Variants in TMEM47 observed in about 807,000 individuals in gnomAD.
TMEM47 encodes transmembrane protein 47, also known as brain cell membrane protein 1.
TMEM47 carries 3 observed loss-of-function variants against 12.4 expected under a neutral mutation model. The observed-to-expected ratio is 0.24, with a 90% confidence interval of 0.11 to 0.63. The LOEUF (loss-of-function observed/expected upper bound fraction) is 0.63, where lower values mean the gene tolerates loss of function less well. Among genes scored for constraint, TMEM47 ranks in the 20% least tolerant of loss-of-function variants. TMEM47 has a pLI of 0.86. For synonymous variants in TMEM47, 62 were observed against 63.3 expected (o/e 0.98, Z 0.10); for missense variants, 89 against 143.8 (o/e 0.62, Z 1.95).
At position 34,642,126 on chromosome X, in the gene TMEM47, G is replaced by A. The variant is rs757690603; in HGVS notation, c.227-2739C>T. Reference sequence around the variant, plus strand: ...CCCGCCTCGGCCTCCCAAAGTGCTGGGATTACAGGCGTGAGCCACTGCACC... The same window carrying A: ...CCCGCCTCGGCCTCCCAAAGTGCTGAGATTACAGGCGTGAGCCACTGCACC... On this transcript the variant is annotated intron_variant, in intron 1 of 2. Transcript: ENST00000275954. Among the ~76,000 whole-genome samples the A allele has an allele frequency of 5.3e-5, 6 of 112,541 alleles. No homozygotes were observed. The Admixed American group carries it at 5.6e-4, about 11-fold the overall frequency.
chrX:34,653,367 T>TAA (rs57746644), intron 1 of TMEM47, among the ~76,000 whole-genome samples: 1 of 110,264 alleles, frequency 9.1e-6, no homozygotes. Context: ...TATTTTGGGA[T>TAA]AAAAAAAGGA....
At position 34,627,137 on chromosome X, in the gene TMEM47, A is replaced by G. The variant is rs1007851499; in HGVS notation, c.*3176T>C. 9.8e-5 allele frequency: 11 copies of G among 111,921 alleles called. No homozygotes were observed. Among genetic ancestry groups the G allele is most frequent in the African/African-American group, 3.6e-4 (11 of 30,748 alleles). The allele number at this position is 111,921 out of a possible 1,213,427, so 9.2% of individuals were successfully genotyped here. On this transcript the variant is annotated 3_prime_UTR_variant, in exon 3 of 3. Coordinates refer to ENST00000275954, the MANE Select transcript of TMEM47 (RefSeq NM_031442.4). Reference sequence around the variant, plus strand: ...AGATGACTTCATGTCAACTACAAAAATCATGAAATGAAGAACTGATTGTGA... The same window carrying G: ...AGATGACTTCATGTCAACTACAAAAGTCATGAAATGAAGAACTGATTGTGA...
At chrX:34,637,605 A>T (rs978672233) in intron 2 of TMEM47, among the ~76,000 whole-genome samples, 1 of 111,024 alleles carries the variant, frequency 9.0e-6, no homozygotes, top group African/African-American at 3.3e-5. Context: ...GAAATTGCTT[A>T]AAAAAAACCC....
intron 1 of TMEM47, among the ~76,000 whole-genome samples, chrX:34,641,714 C>G (rs1459280839): frequency 8.9e-6 from 1 of 112,064 alleles, no homozygotes; most frequent in Non-Finnish European, 1.9e-5. Flanking sequence ...AAATGATAAG[C>G]AAACTTTCCA....
chrX:34,652,272 C>T (rs1466514207), intron 1 of TMEM47, among the ~76,000 whole-genome samples: 1 of 111,615 alleles, frequency 9.0e-6, no homozygotes, highest in Non-Finnish European at 1.9e-5. Flanking sequence ...CAGAGAGCTC[C>T]CTGCTGTGGT....
At chrX:34,636,719 A>ATGC (rs1921723303) in intron 2 of TMEM47, among the ~76,000 whole-genome samples, 1 of 112,071 alleles carries the variant, frequency 8.9e-6, no homozygotes, top group East Asian at 2.8e-4. Context: ...TGGTGCAGTC[A>ATGC]TGCTGCATCA....
chrX:34,640,217 C>G (rs1163881883), intron 1 of TMEM47, among the ~76,000 whole-genome samples: 1 of 111,599 alleles, frequency 9.0e-6, no homozygotes, highest in Non-Finnish European at 1.9e-5. Flanking sequence ...TCCCAGGGAG[C>G]CAGAATGGAC....
intron 2 of TMEM47, among the ~76,000 whole-genome samples, chrX:34,637,482 A>G (rs915336108): frequency 1.8e-5 from 2 of 111,879 alleles, no homozygotes; most frequent in African/African-American, 3.2e-5. Flanking sequence ...TTAAATAAAT[A>G]AAAACATAAA....
intron 1 of TMEM47, among the ~76,000 whole-genome samples, chrX:34,643,553 T>A (rs759881764): frequency 1.4e-4 from 16 of 112,124 alleles, no homozygotes; most frequent in South Asian, 3.7e-4. Flanking sequence ...AATTTCTATA[T>A]CAATTTTAGT....
At chrX:34,652,572 T>C (rs1344055687) in intron 1 of TMEM47, among the ~76,000 whole-genome samples, 1 of 112,328 alleles carries the variant, frequency 8.9e-6, no homozygotes, top group Non-Finnish European at 1.9e-5. Flanking sequence ...TCCCTGGGAA[T>C]TATAATCCTT....
chrX:34,655,775 T>TGA (rs776554058), intron 1 of TMEM47, among the ~76,000 whole-genome samples: 4 of 85,608 alleles, frequency 4.7e-5, no homozygotes, highest in African/African-American at 1.4e-4. Flanking sequence ...TATGTGTGTG[T>TGA]GAGAGAGAGA....
At chrX:34,631,846 T>G (rs1245889355) in intron 2 of TMEM47, among the ~76,000 whole-genome samples, 1 of 112,267 alleles carries the variant, frequency 8.9e-6, no homozygotes, top group Non-Finnish European at 1.9e-5. Context: ...TATTATGTAA[T>G]TTTATTTTAA....
At chrX:34,642,947 G>A (rs951130096) in intron 1 of TMEM47, among the ~76,000 whole-genome samples, 4 of 111,631 alleles carry the variant, frequency 3.6e-5, no homozygotes, top group Non-Finnish European at 7.5e-5. Context: ...GTTTAACCTC[G>A]ATCAGGAAGC....
chrX:34,656,993 C>G lies in TMEM47; in HGVS notation c.37G>C (p.Val13Leu). Residue 13 changes from valine to leucine, a missense_variant, in exon 1 of 3, where the codon GTG (valine) becomes CTG (leucine). Physicochemically the swap from Val to Leu is conservative, Grantham distance 32. Coordinates refer to ENST00000275954, the MANE Select transcript of TMEM47 (RefSeq NM_031442.4). ...SAGSGMEEVR[V>L]SVLTPLKLVG... is the part of the protein sequence containing the mutation. The stretch of plus-strand genomic sequence containing the variant: ...AGCTTCAAGGGGGTCAGCACCGACA[C>G]GCGCACCTCCTCCATGCCGCTGCCC... 8.5e-7 allele frequency: 1 copy of G among 1,170,593 alleles called. No homozygotes were observed.
rs1922129902 is a variant in TMEM47 at position 34,657,187 on chromosome X, G to T, written c.-158C>A. ...GCGCGCCCCCTGCCGCGCGGCCAAG[G>T]TGGGTCTGCGGAGGCGGCCGGCCGG... On this transcript the variant is annotated 5_prime_UTR_variant, in exon 1 of 3. Coordinates refer to ENST00000275954, the MANE Select transcript of TMEM47 (RefSeq NM_031442.4). 13 of 873,904 alleles carry T rather than the reference G, an allele frequency of 1.5e-5. No individual in the cohort carries two copies. Among genetic ancestry groups the T allele is most frequent in the Non-Finnish European group, 1.9e-5 (13 of 693,054 alleles). 72.0% of individuals were successfully genotyped at this position (873,904 alleles called of 1,213,427 possible).
intron 2 of TMEM47, among the ~76,000 whole-genome samples, chrX:34,634,952 C>T (rs1020718505): frequency 9.0e-6 from 1 of 111,690 alleles, no homozygotes; most frequent in African/African-American, 3.2e-5. Flanking sequence ...AGACCATCTG[C>T]GAGGTTATTG....
At position 34,657,106 on chromosome X, in the gene TMEM47, C is replaced by A; in HGVS notation, c.-77G>T. On this transcript the variant is annotated 5_prime_UTR_variant, in exon 1 of 3. Coordinates refer to ENST00000275954, the MANE Select transcript of TMEM47 (RefSeq NM_031442.4). ...TCCGGAGAGCCGGGAGCCGGACCTC[C>A]CGAAGGGAGAAGCCGCCGAGCTGCC... 1 of 1,061,442 alleles carries A rather than the reference C, an allele frequency of 9.4e-7. No individual in the cohort carries two copies. Among genetic ancestry groups the A allele is most frequent in the East Asian group, 3.7e-5 (1 of 26,748 alleles). The allele number at this position is 1,061,442 out of a possible 1,213,427, so 87.5% of individuals were successfully genotyped here. A position where few individuals can be genotyped will look rare whatever the true frequency, so the allele number is the denominator to read the frequency against.
rs1473386370 is a variant in TMEM47, at chrX:34,630,365, C to T, written c.494G>A (p.Gly165Glu). 1 of 1,208,139 alleles carries T rather than the reference C, an allele frequency of 8.3e-7. No homozygotes were observed. Among genetic ancestry groups the T allele is most frequent in the African/African-American group, 1.8e-5 (1 of 56,926 alleles). ...LAWGATIFSF[G>E]GAILYCLNPK... ...GTTCAGGCAATAAAGGATGGCACCC[C>T]CAAACGAAAATATAGTTGCACCCCA... Residue 165 changes from glycine to glutamate, a missense_variant, in exon 3 of 3, where the codon GGG becomes GAG. Transcript: ENST00000275954.
intron 1 of TMEM47, among the ~76,000 whole-genome samples, chrX:34,648,995 G>A (rs937624731): frequency 3.6e-5 from 4 of 111,984 alleles, no homozygotes; most frequent in African/African-American, 1.3e-4. Flanking sequence ...ACCACAATGA[G>A]ATACCATCTC....
Sources: gnomAD v4.1 joint callset for allele counts (sites outside exome capture counted in the v4.1 genomes callset) on GRCh38, gnomAD v4.1.1 for gene constraint, MANE v1.5 for transcripts, NCBI Gene and HGNC (gene_info 2026-07-23, HGNC 2026-07-21) for gene names.